Variants in NELFCD observed in about 807,000 individuals in gnomAD.
The protein encoded by NELFCD is negative elongation factor C/D.
A neutral mutation model predicts 72.9 loss-of-function variants in NELFCD; 48 were observed. The ratio of observed to expected loss-of-function variants is 0.66; its 90% CI spans 0.52 to 0.84. NELFCD has a LOEUF of 0.84. Among genes scored for constraint, NELFCD ranks in the 40% least tolerant of loss-of-function variants. NELFCD has a pLI of 0.00. For missense variants in NELFCD, 538 were observed against 723.8 expected (o/e 0.74, Z 2.94); for synonymous variants, 297 against 280.6 (o/e 1.06, Z -0.59).
intron 9 of NELFCD, 189 bp downstream of exon 9, chr20:58,991,635 C>G (rs1186089668): frequency 2.7e-6 from 2 of 753,466 alleles, no homozygotes; most frequent in Non-Finnish European, 2.1e-6. Context: ...CTCCAATGCT[C>G]TGCAAACCGT....
At chr20:58,994,397 C>G (rs1434566963) in intron 14 of NELFCD, among the ~76,000 whole-genome samples, 158 bp downstream of exon 14, 1 of 152,008 alleles carries the variant, frequency 6.6e-6, no homozygotes, top group African/African-American at 2.4e-5. Context: ...AACCCCATCT[C>G]TACTAAAAAT....
At chr20:58,988,530 T>C (rs2091789151) in intron 4 of NELFCD, among the ~76,000 whole-genome samples, 1 of 152,220 alleles carries the variant, frequency 6.6e-6, no homozygotes. Flanking sequence ...TTTTTCTGGC[T>C]ACTCCATGTG....
intron 5 of NELFCD, 54 bp from the exon 6 acceptor site, chr20:58,989,434 G>C: frequency 6.3e-7 from 1 of 1,598,258 alleles, no homozygotes; most frequent in South Asian, 1.1e-5. Flanking sequence ...CCAGCTTCCC[G>C]TGGAGGTGCG....
At chr20:58,988,654 T>C (rs1055815557) in intron 4 of NELFCD, among the ~76,000 whole-genome samples, 4 of 152,160 alleles carry the variant, frequency 2.6e-5, no homozygotes, top group African/African-American at 9.7e-5. Context: ...TATGCGGTTC[T>C]CGGTGTCTCC....
chr20:58,994,658 C>T lies in NELFCD; in HGVS notation c.1728C>T (p.Asn576=). The T allele has an allele frequency of 6.2e-7, 1 of 1,609,206 alleles. No individual in the cohort carries two copies. Among genetic ancestry groups the T allele is most frequent in the South Asian group, 1.1e-5 (1 of 90,940 alleles). Residue 576 remains asparagine (N), a synonymous_variant, in exon 15 of 15, where the codon AAC becomes AAT. Coordinates refer to ENST00000652272, the MANE Select transcript of NELFCD (RefSeq NM_198976.4). ...TCGTTAAAGCTCACTGCAAATCTAA[C>T]TTCATCATGGTGAACTAATTTAGAG... ...VTEFIAHCKS[N]FIMVN is the part of the protein sequence containing the mutation.
At chr20:58,982,062 T>A (rs1205863428) in intron 1 of NELFCD, among the ~76,000 whole-genome samples, 1 of 150,754 alleles carries the variant, frequency 6.6e-6, no homozygotes, top group Non-Finnish European at 1.5e-5. Flanking sequence ...CTGAGGCGCA[T>A]GATTGAAATG....
Position 58,994,661 on chromosome 20 carries a change from C to G in NELFCD, c.1731C>G (p.Phe577Leu). Residue 577 changes from phenylalanine (F) to leucine (L), a missense_variant, in exon 15 of 15, where the codon TTC becomes TTG. This residue lies in a region of NELFCD where 136 missense variants were observed against 154.0 expected (regional missense o/e 0.88). Transcript: ENST00000652272. ...TEFIAHCKSN[F>L]IMVN The stretch of plus-strand genomic sequence containing the variant: ...TTAAAGCTCACTGCAAATCTAACTT[C>G]ATCATGGTGAACTAATTTAGAGCAT... 1 of 1,611,634 alleles carries G rather than the reference C, an allele frequency of 6.2e-7. No individual in the cohort carries two copies. The highest frequency in any genetic ancestry group is 8.5e-7 in the Non-Finnish European group (1 of 1,178,028).
chr20:58,988,906 G>A lies in NELFCD; in HGVS notation c.397-8G>A, dbSNP rs747513385. On this transcript the variant is annotated splice_region_variant and splice_polypyrimidine_tract_variant and intron_variant, in intron 4 of 14. Coordinates refer to ENST00000652272, the MANE Select transcript of NELFCD (RefSeq NM_198976.4). ...CTCCTATCTTGCTGTTTGTGTGTGTGTTGGCAGACCCCAGCGTGGCTGGAA... is the reference window on the plus strand; with the variant it reads ...CTCCTATCTTGCTGTTTGTGTGTGTATTGGCAGACCCCAGCGTGGCTGGAA... The A allele has an allele frequency of 6.2e-7, 1 of 1,609,222 alleles. No homozygotes were observed. Among genetic ancestry groups the A allele is most frequent in the South Asian group, 1.1e-5 (1 of 90,946 alleles).
intron 7 of NELFCD, 40 bp downstream of exon 7, chr20:58,990,028 G>A: frequency 6.2e-7 from 1 of 1,602,548 alleles, no homozygotes; most frequent in Non-Finnish European, 8.5e-7. Context: ...CCTTCCTAGT[G>A]CTCCCCACAA....
Position 58,993,239 on chromosome 20 carries a change from T to A in NELFCD, c.1344+127T>A. 1 of 879,130 alleles carries A rather than the reference T, an allele frequency of 1.1e-6. No homozygotes were observed. The highest frequency in any genetic ancestry group is 1.8e-6 in the Non-Finnish European group (1 of 557,676). The allele number at this position is 879,130 out of a possible 1,614,324, so 54.5% of individuals were successfully genotyped here. A position where few individuals can be genotyped will look rare whatever the true frequency, so the allele number is the denominator to read the frequency against. Reference sequence around the variant, plus strand: ...TTCTCAAAAATAGTTATTTCTGTCCTGAGGATTTTCCTCTTAAGGACCTAG... The same window carrying A: ...TTCTCAAAAATAGTTATTTCTGTCCAGAGGATTTTCCTCTTAAGGACCTAG... On this transcript the variant is annotated intron_variant, in intron 11 of 14. Transcript: ENST00000652272. This position sits in a 1 kb window ranked among gnomAD's most constrained non-coding sequence, Gnocchi z 5.0.
At position 58,991,081 on chromosome 20, in the gene NELFCD, T is replaced by G; in HGVS notation, c.954+6T>G. 1 of 1,612,264 alleles carries G rather than the reference T, an allele frequency of 6.2e-7. No individual in the cohort carries two copies. Among genetic ancestry groups the G allele is most frequent in the Non-Finnish European group, 8.5e-7 (1 of 1,178,746 alleles). On this transcript the variant is annotated splice_donor_region_variant and intron_variant, in intron 8 of 14. Transcript: ENST00000652272. Reference sequence around the variant, plus strand: ...ACCCTCCTCCGGTTGAACTTGTAAGTTGCTTCTCAAGAATCCCCAATGTCA... The same window carrying G: ...ACCCTCCTCCGGTTGAACTTGTAAGGTGCTTCTCAAGAATCCCCAATGTCA...
Sources: gnomAD v4.1 joint callset for allele counts (sites outside exome capture counted in the v4.1 genomes callset) on GRCh38, gnomAD v4.1.1 for gene constraint, gnomAD v4.1.1 regional missense constraint, Gnocchi (gnomAD v3.1) non-coding constraint, MANE v1.5 for transcripts, NCBI Gene and HGNC (gene_info 2026-07-23, HGNC 2026-07-21) for gene names.